Variants in STEAP4 observed in about 807,000 individuals in gnomAD.
STEAP4 encodes the protein STEAP4 metalloreductase.
Under a neutral mutation model 43.6 loss-of-function variants are expected in STEAP4, and 36 were observed. That is an observed-to-expected ratio of 0.83 (90% CI 0.63 to 1.09). STEAP4 has a LOEUF of 1.09. STEAP4 is among the 50% of genes least tolerant of loss of function. STEAP4 has a pLI of 0.00. For synonymous variants in STEAP4, 191 were observed against 196.7 expected, an observed-to-expected ratio of 0.97 and a Z score of 0.24; for missense variants, 495 against 546.5, an observed-to-expected ratio of 0.91 and a Z score of 0.94.
rs1218164965 is a variant in STEAP4 at position 88,271,622 on chromosome 7, A to C, written c.*7776T>G. On this transcript the variant is annotated 3_prime_UTR_variant, in exon 5 of 5. Coordinates refer to ENST00000380079, the MANE Select transcript of STEAP4 (RefSeq NM_024636.4). ...AATGTTATTCATGAAAAACAAGAAA[A>C]ACAAATAGCAATGCTTCTTTTTCAT... 11 of 152,242 alleles carry C rather than the reference A, an allele frequency of 7.2e-5. No individual in the cohort carries two copies. Among genetic ancestry groups the C allele is most frequent in the Non-Finnish European group, 1.3e-4 (9 of 68,050 alleles). The allele number at this position is 152,242 out of a possible 1,614,324, so 9.4% of individuals were successfully genotyped here.
At chr7:88,282,542 T>C in intron 3 of STEAP4, 99 bp downstream of exon 3, 4 of 1,137,006 alleles carry the variant, frequency 3.5e-6, no homozygotes, top group Non-Finnish European at 4.9e-6. Flanking sequence ...AAAAAGAAGA[T>C]GCTTAGAAGA....
intron 1 of STEAP4, among the ~76,000 whole-genome samples, chr7:88,286,200 A>G (rs1195310433): frequency 1.3e-5 from 2 of 152,224 alleles, no homozygotes; most frequent in Admixed American, 6.5e-5. Flanking sequence ...GAAATTTGTT[A>G]CCTCTGTGGC....
In STEAP4 at chr7:88,271,024, C is replaced by T. The variant is rs1852432897; in HGVS notation, c.*8374G>A. The T allele has an allele frequency of 2.0e-5, 3 of 152,062 alleles. No homozygotes were observed. Among genetic ancestry groups the T allele is most frequent in the African/African-American group, 7.2e-5 (3 of 41,420 alleles). 9.4% of individuals were successfully genotyped at this position (152,062 alleles called of 1,614,324 possible). On this transcript the variant is annotated 3_prime_UTR_variant, in exon 5 of 5. Transcript: ENST00000380079. ...AGATTAGGGTAATTAGTATATCCAT[C>T]ATCTTAAGCATTTATCATTTCTTTC...
At chr7:88,282,466 T>C (rs191408363) in intron 3 of STEAP4, 175 bp downstream of exon 3, 65 of 699,962 alleles carry the variant, frequency 9.3e-5, no homozygotes, top group Middle Eastern at 8.0e-4. Flanking sequence ...TCTTAATAGT[T>C]GTATGAGATC....
chr7:88,287,270 C>T (rs1042286594), intron 1 of STEAP4, among the ~76,000 whole-genome samples: 1 of 152,212 alleles, frequency 6.6e-6, no homozygotes, highest in Non-Finnish European at 1.5e-5. Context: ...CCAGAGTCAG[C>T]CCCTAGTCCA....
chr7:88,304,590 T>C (rs1186670736), intron 1 of STEAP4, among the ~76,000 whole-genome samples: 1 of 152,042 alleles, frequency 6.6e-6, no homozygotes, highest in Non-Finnish European at 1.5e-5. Context: ...CAAAGTGCCC[T>C]AGCAAAGTGC....
intron 2 of STEAP4, chr7:88,283,589 C>A: frequency 1.7e-6 from 1 of 589,832 alleles, no homozygotes; most frequent in South Asian, 2.1e-5. Flanking sequence ...GAGGCTGACA[C>A]CATGGGGTTC....
chr7:88,300,579 G>A (rs769084872), intron 1 of STEAP4, among the ~76,000 whole-genome samples: 4 of 152,178 alleles, frequency 2.6e-5, no homozygotes, highest in African/African-American at 4.8e-5. Context: ...CCTTTCAGTG[G>A]TGTGGCTGTG....
At chr7:88,289,054 G>A (rs1221271048) in intron 1 of STEAP4, among the ~76,000 whole-genome samples, 3 of 150,158 alleles carry the variant, frequency 2.0e-5, no homozygotes, top group Non-Finnish European at 4.5e-5. Context: ...TTTGGTGCAT[G>A]CATGCGCGTG....
intron 1 of STEAP4, among the ~76,000 whole-genome samples, chr7:88,301,612 G>A (rs1320765994): frequency 6.7e-6 from 1 of 149,788 alleles, no homozygotes; most frequent in Non-Finnish European, 1.5e-5. Flanking sequence ...CAGCTGGAGT[G>A]CGGTGGTGCC....
intron 3 of STEAP4, chr7:88,281,726 G>A (rs1218854588): frequency 6.6e-6 from 1 of 152,172 alleles, no homozygotes; most frequent in Admixed American, 6.5e-5. Context: ...CTTCCTCTGA[G>A]AATGTCTTAA....
Position 88,284,069 on chromosome 7 carries a change from A to G in STEAP4, c.201T>C (p.Tyr67=). The part of the protein sequence containing the change: ...LLPSGAEVLS[Y]SEAAKKSGII... ...TGCCAGACTTCTTGGCTGCTTCTGA[A>G]TAGCTCAAGACTTCTGCACCACTGG... is the stretch of plus-strand genomic sequence containing the variant. The change falls in exon 2 of 5, where the codon TAT becomes TAC. Residue 67 remains tyrosine (Y), a synonymous_variant. Coordinates refer to ENST00000380079, the MANE Select transcript of STEAP4 (RefSeq NM_024636.4). The G allele has an allele frequency of 6.2e-7, 1 of 1,614,146 alleles. No individual in the cohort carries two copies. Among genetic ancestry groups the G allele is most frequent in the Non-Finnish European group, 8.5e-7 (1 of 1,180,026 alleles).
intron 1 of STEAP4, among the ~76,000 whole-genome samples, chr7:88,288,884 G>T (rs1004672746): frequency 6.6e-6 from 1 of 152,054 alleles, no homozygotes; most frequent in African/African-American, 2.4e-5. Flanking sequence ...TGTGGCTGTA[G>T]AATTTAAATA....
chr7:88,284,822 T>C (rs1207869957), intron 1 of STEAP4, among the ~76,000 whole-genome samples: 1 of 152,188 alleles, frequency 6.6e-6, no homozygotes, highest in Non-Finnish European at 1.5e-5. Context: ...AAAGGACATC[T>C]GTTAAAATTC....
rs1852468596 is a variant in STEAP4 at position 88,273,414 on chromosome 7, T to C, written c.*5984A>G. 1 of 152,170 alleles carries C rather than the reference T, an allele frequency of 6.6e-6. No homozygotes were observed. The allele number at this position is 152,170 out of a possible 1,614,324, so 9.4% of individuals were successfully genotyped here. On this transcript the variant is annotated 3_prime_UTR_variant, in exon 5 of 5. Coordinates refer to ENST00000380079, the MANE Select transcript of STEAP4 (RefSeq NM_024636.4). Reference sequence around the variant, plus strand: ...TCTGATACTTTTTGATATACAATACTGTGAGTTCCAGTCCAGCAGCCTTTC... The same window carrying C: ...TCTGATACTTTTTGATATACAATACCGTGAGTTCCAGTCCAGCAGCCTTTC...
At chr7:88,280,197 A>G (rs907634496) in intron 4 of STEAP4, among the ~76,000 whole-genome samples, 3 of 152,240 alleles carry the variant, frequency 2.0e-5, no homozygotes, top group Admixed American at 6.5e-5. Flanking sequence ...TGCAAGACTT[A>G]AGATTCCAAT....
chr7:88,291,232 T>C (rs1305224525), intron 1 of STEAP4, among the ~76,000 whole-genome samples: 2 of 152,016 alleles, frequency 1.3e-5, no homozygotes, highest in Non-Finnish European at 2.9e-5. Flanking sequence ...TTCTTATAAA[T>C]AAAACTCTAT....
At position 88,270,892 on chromosome 7, in the gene STEAP4, T is replaced by A. The variant is rs899869706; in HGVS notation, c.*8506A>T. On this transcript the variant is annotated 3_prime_UTR_variant, in exon 5 of 5. Coordinates refer to ENST00000380079, the MANE Select transcript of STEAP4 (RefSeq NM_024636.4). The stretch of plus-strand genomic sequence containing the variant: ...ATATGCAATCAATTACTTTAAAAAA[T>A]TTTTTGTTTATAATTTTTTAATTAA... 9 of 152,224 alleles carry A rather than the reference T, an allele frequency of 5.9e-5. No homozygotes were observed. Among genetic ancestry groups the A allele is most frequent in the African/African-American group, 1.4e-4 (6 of 41,568 alleles). 9.4% of individuals were successfully genotyped at this position (152,224 alleles called of 1,614,324 possible).
At position 88,281,028 on chromosome 7, in the gene STEAP4, C is replaced by A; in HGVS notation, c.1036G>T (p.Asp346Tyr). The change falls in exon 4 of 5, where the codon GAT becomes TAT. Residue 346 changes from aspartate to tyrosine, a missense_variant. Coordinates refer to ENST00000380079, the MANE Select transcript of STEAP4 (RefSeq NM_024636.4). ...AGTATTCCCAAAGCCACATATGAAT[C>A]ACTGAGCCAGGCTGAGGAGGTGCTA... Reference protein sequence around the residue: ...PFSTSSAWLSDSYVALGILGF... With the variant: ...PFSTSSAWLSYSYVALGILGF... The A allele has an allele frequency of 6.2e-7, 1 of 1,613,020 alleles. No individual in the cohort carries two copies. Among genetic ancestry groups the A allele is most frequent in the Non-Finnish European group, 8.5e-7 (1 of 1,179,610 alleles).
Sources: allele counts gnomAD v4.1 joint callset (sites outside exome capture counted in the v4.1 genomes callset), GRCh38; gene constraint gnomAD v4.1.1; transcripts MANE v1.5; gene names NCBI Gene and HGNC (gene_info 2026-07-23, HGNC 2026-07-21).